GSE1: variants seen among roughly 807,000 people sequenced by gnomAD.
GSE1 encodes Gse1 coiled-coil protein, also known as genetic suppressor element 1.
Under a neutral mutation model 112.6 loss-of-function variants are expected in GSE1, and 32 were observed. That is an observed-to-expected ratio of 0.28 (90% CI 0.21 to 0.38). GSE1 has a LOEUF of 0.38. Among genes scored for constraint, GSE1 ranks in the 10% least tolerant of loss-of-function variants. GSE1 has a pLI of 1.00. For missense variants in GSE1, 2,348 were observed against 1,699.2 expected (o/e 1.38, Z -6.71); for synonymous variants, 1,115 against 735.6 (o/e 1.52, Z -8.35).
At chr16:85,464,075 G>A (rs1375361153) in intron 2 of GSE1, among the ~76,000 whole-genome samples, 1 of 152,120 alleles carries the variant, frequency 6.6e-6, no homozygotes, top group Admixed American at 6.5e-5. Flanking sequence ...CAGCAGCGGG[G>A]GGACGACGCC....
Position 85,173,025 on chromosome 16 carries a change from C to T in GSE1, c.2283+1218C>T, listed in dbSNP as rs1328431934. 2.6e-5 allele frequency among the ~76,000 whole-genome samples: 4 copies of T among 152,196 alleles called. No individual in the cohort carries two copies. The East Asian group carries it at 5.8e-4, about 22-fold the overall frequency. On this transcript the variant is annotated intron_variant, in intron 1 of 2. Coordinates refer to the GSE1 transcript ENST00000637419. Reference sequence around the variant, plus strand: ...TTGTGGCTTTGGTGGGATGGTCTCTCGTTTTAATTGGATGAGCACGTCGTC... The same window carrying T: ...TTGTGGCTTTGGTGGGATGGTCTCTTGTTTTAATTGGATGAGCACGTCGTC...
chr16:85,435,064 A>C (rs2049212973), intron 2 of GSE1, among the ~76,000 whole-genome samples: 2 of 152,212 alleles, frequency 1.3e-5, no homozygotes, highest in Non-Finnish European at 1.5e-5. Context: ...GCGCTTAATC[A>C]TTTTGGAACA....
chr16:85,661,199 G>T lies in GSE1; in HGVS notation c.1694G>T (p.Gly565Val). 1.2e-6 allele frequency: 2 copies of T among 1,605,882 alleles called. No individual in the cohort carries two copies. Among genetic ancestry groups the T allele is most frequent in the Non-Finnish European group, 8.5e-7 (1 of 1,174,400 alleles). The change falls in exon 9 of 16, where the codon GGG becomes GTG. Residue 565 changes from glycine (G) to valine (V), a missense_variant. Physicochemically the swap from Gly to Val is moderately radical, Grantham distance 109 (BLOSUM62 -3). Transcript: ENST00000253458. ...GGCCGTGACCCTCCGCAGCACTTTG[G>T]GGGGCCACCACCTCTGATTTCGCCC... The part of the protein sequence containing the change: ...PGGRDPPQHF[G>V]GPPPLISPKP...
At chr16:85,533,314 G>C (rs1016793686) in intron 2 of GSE1, among the ~76,000 whole-genome samples, 1 of 152,032 alleles carries the variant, frequency 6.6e-6, no homozygotes, top group African/African-American at 2.4e-5. Context: ...CAACTACTCA[G>C]GAGGCTGAGG....
chr16:85,425,692 C>T (rs1454058588), intron 2 of GSE1, among the ~76,000 whole-genome samples: 1 of 152,170 alleles, frequency 6.6e-6, no homozygotes, highest in East Asian at 1.9e-4. Flanking sequence ...CCCGCTTACC[C>T]ATCGCACTGA....
At chr16:85,651,149 C>T (rs953754374) in intron 3 of GSE1, among the ~76,000 whole-genome samples, 37 of 147,796 alleles carry the variant, frequency 2.5e-4, no homozygotes, top group Non-Finnish European at 4.8e-4. Context: ...AAATGAAAAG[C>T]TGCCCACAGA....
At chr16:85,192,068 G>A (rs568651700) in intron 1 of GSE1, among the ~76,000 whole-genome samples, 48 of 152,238 alleles carry the variant, frequency 3.2e-4, no homozygotes, top group African/African-American at 6.0e-4. Context: ...CCTAAGTTCC[G>A]CCATCCAGAG....
At chr16:85,643,401 A>T (rs1598530047) in intron 2 of GSE1, among the ~76,000 whole-genome samples, 1 of 152,056 alleles carries the variant, frequency 6.6e-6, no homozygotes, top group African/African-American at 2.4e-5. Flanking sequence ...GATGAGTAGC[A>T]CCCGCCAGCG....
At chr16:85,453,880 A>C (rs2049752860) in intron 2 of GSE1, among the ~76,000 whole-genome samples, 1 of 152,110 alleles carries the variant, frequency 6.6e-6, no homozygotes, top group Non-Finnish European at 1.5e-5. Flanking sequence ...GCATGCAGAG[A>C]GCAGAGCAAG....
chr16:85,528,285 G>GAGCAGGGCAGGGATGGCTGGGGTT (rs1485345964), intron 2 of GSE1, among the ~76,000 whole-genome samples: 1 of 152,130 alleles, frequency 6.6e-6, no homozygotes, highest in Non-Finnish European at 1.5e-5. Flanking sequence ...AGGATTGGGG[G>GAGCAGGGCAGGGATGGCTGGGGTT]AGCAGGGCAG....
intron 1 of GSE1, among the ~76,000 whole-genome samples, chr16:85,209,316 G>T (rs964731024): frequency 6.6e-6 from 1 of 152,148 alleles, no homozygotes. Context: ...GTCATAGCTG[G>T]CCAGGGCAAC....
chr16:85,344,053 C>T (rs1282765709), intron 1 of GSE1, among the ~76,000 whole-genome samples: 1 of 152,226 alleles, frequency 6.6e-6, no homozygotes, highest in Non-Finnish European at 1.5e-5. Context: ...CCTTCAGCGG[C>T]TGTGCTGAGG....
intron 1 of GSE1, among the ~76,000 whole-genome samples, chr16:85,562,247 C>T (rs2151291314): frequency 6.6e-6 from 1 of 152,320 alleles, no homozygotes; most frequent in Non-Finnish European, 1.5e-5. Context: ...CTTCCGATAC[C>T]CCTGAGAGAT....
At chr16:85,210,226 T>C (rs2075201373) in intron 1 of GSE1, among the ~76,000 whole-genome samples, 1 of 152,198 alleles carries the variant, frequency 6.6e-6, no homozygotes, top group Non-Finnish European at 1.5e-5. Context: ...AAATTTGTCC[T>C]AAAGAAGTAA....
intron 2 of GSE1, among the ~76,000 whole-genome samples, chr16:85,492,265 C>T (rs1184421438): frequency 6.6e-6 from 1 of 152,154 alleles, no homozygotes; most frequent in Non-Finnish European, 1.5e-5. Flanking sequence ...GAGCCGCCCC[C>T]GTCGGCCTGT....
At chr16:85,304,103 T>C (rs545187332) in intron 1 of GSE1, among the ~76,000 whole-genome samples, 14 of 152,156 alleles carry the variant, frequency 9.2e-5, no homozygotes, top group Non-Finnish European at 2.1e-4. Context: ...TGTCTCTCCA[T>C]GGTTAGGGAA....
intron 2 of GSE1, among the ~76,000 whole-genome samples, chr16:85,366,326 G>A (rs2151589316): frequency 6.6e-6 from 1 of 152,366 alleles, no homozygotes; most frequent in African/African-American, 2.4e-5. Context: ...CCCTTCCCTG[G>A]CCCTGCTGCA....
intron 1 of GSE1, among the ~76,000 whole-genome samples, chr16:85,206,844 C>T (rs561383784): frequency 3.9e-5 from 6 of 151,928 alleles, no homozygotes; most frequent in African/African-American, 1.4e-4. Flanking sequence ...GCCCACCGCC[C>T]CCTCCACAAG....
At chr16:85,305,816 A>T (rs982921578) in intron 1 of GSE1, among the ~76,000 whole-genome samples, 1 of 152,008 alleles carries the variant, frequency 6.6e-6, no homozygotes, top group East Asian at 1.9e-4. Context: ...TGGACCGCAC[A>T]TGGTGTCTCA....
Sources: allele counts gnomAD v4.1 joint callset (sites outside exome capture counted in the v4.1 genomes callset), GRCh38; gene constraint gnomAD v4.1.1; transcripts MANE v1.5; gene names NCBI Gene and HGNC (gene_info 2026-07-23, HGNC 2026-07-21).